Variants in UNC80 observed in about 807,000 individuals in gnomAD.
UNC80 encodes protein unc-80 homolog.
Under a neutral mutation model 384.6 loss-of-function variants are expected in UNC80, and 164 were observed. The observed-to-expected ratio is 0.43, with a 90% CI of 0.38 to 0.49. The LOEUF is 0.49. Ranked by LOEUF, UNC80 falls within the 20% of genes least tolerant of loss-of-function variation. The pLI, the probability that UNC80 is intolerant of heterozygous loss-of-function variation, is 0.00. For synonymous variants in UNC80, 1,486 were observed against 1,527.8 expected (o/e 0.97, Z 0.64); for missense variants, 3,330 against 4,143.0 (o/e 0.80, Z 5.39).
chr2:209,961,703 A>G (rs2092596256), intron 51 of UNC80, among the ~76,000 whole-genome samples: 1 of 152,248 alleles, frequency 6.6e-6, no homozygotes, highest in African/African-American at 2.4e-5. Flanking sequence ...TAAGTTAAAA[A>G]CAAAACAGTT....
chr2:209,989,714 T>C (rs1337956267), intron 61 of UNC80, among the ~76,000 whole-genome samples: 4 of 152,202 alleles, frequency 2.6e-5, no homozygotes, highest in Non-Finnish European at 2.9e-5. Flanking sequence ...CATCTTATAG[T>C]CATACATCAC....
intron 14 of UNC80, 91 bp from the exon 15 acceptor site, chr2:209,829,141 C>G: frequency 1.4e-6 from 2 of 1,473,270 alleles, no homozygotes; most frequent in South Asian, 2.7e-5. Context: ...GTTGGAAACC[C>G]TTGCCTTCTG....
At chr2:209,915,554 C>T (rs2089448060) in intron 31 of UNC80, among the ~76,000 whole-genome samples, 2 of 152,034 alleles carry the variant, frequency 1.3e-5, no homozygotes, top group African/African-American at 4.8e-5. Flanking sequence ...GAGTGGGACT[C>T]AGCTTGTAAC....
chr2:209,859,151 G>A (rs2083168355), intron 22 of UNC80, among the ~76,000 whole-genome samples: 1 of 151,942 alleles, frequency 6.6e-6, no homozygotes, highest in African/African-American at 2.4e-5. Flanking sequence ...GTGGTTTGCT[G>A]CACCTATTGA....
rs183594153 is a variant in UNC80 at position 209,896,258 on chromosome 2, A to G, written c.4481-55A>G. ...GCATGGACAACTGTACCATACCAAC[A>G]TGCTCTCCAGGGAGACCGAACACTG... is the stretch of plus-strand genomic sequence containing the variant. On this transcript the variant is annotated intron_variant, in intron 27 of 64. Coordinates refer to ENST00000673920, the MANE Select transcript of UNC80 (RefSeq NM_001371986.1). 76 of 1,463,234 alleles carry G rather than the reference A, an allele frequency of 5.2e-5. No individual in the cohort carries two copies. The East Asian group carries it at 1.9e-3, about 36-fold the overall frequency. The allele number at this position is 1,463,234 out of a possible 1,614,324, so 90.6% of individuals were successfully genotyped here. A position where few individuals can be genotyped will look rare whatever the true frequency, so the allele number is the denominator to read the frequency against.
At chr2:209,892,074 A>G (rs1038401261) in intron 26 of UNC80, among the ~76,000 whole-genome samples, 2 of 152,188 alleles carry the variant, frequency 1.3e-5, no homozygotes, top group Admixed American at 6.5e-5. Flanking sequence ...TTTTAAGTGC[A>G]TTAGAGTTGT....
chr2:209,786,173 C>T lies in UNC80; in HGVS notation c.708C>T (p.Ile236=). 6.2e-7 allele frequency: 1 copy of T among 1,613,760 alleles called. No individual in the cohort carries two copies. The highest frequency in any genetic ancestry group is 8.5e-7 in the Non-Finnish European group (1 of 1,179,788). Residue 236 remains isoleucine, a synonymous_variant, in exon 5 of 65, where the codon ATC becomes ATT. Coordinates refer to ENST00000673920, the MANE Select transcript of UNC80 (RefSeq NM_001371986.1). ...VSGFTALVKP[I]RNIITAKRSS... ...GCTTTACCGCACTGGTGAAGCCCAT[C>T]AGGAACATCATTACAGGTTTGTAAC... is the stretch of plus-strand genomic sequence containing the variant.
chr2:209,966,358 G>A (rs763376485), intron 51 of UNC80, among the ~76,000 whole-genome samples: 2 of 152,130 alleles, frequency 1.3e-5, no homozygotes, highest in Non-Finnish European at 2.9e-5. Context: ...ATAGTTGTAA[G>A]ATATTTTTAT....
In UNC80 at chr2:209,776,054, C is replaced by G. The variant is rs774173585; in HGVS notation, c.298+9C>G. 3.7e-6 allele frequency: 6 copies of G among 1,613,848 alleles called. No individual in the cohort carries two copies. In the South Asian group the frequency reaches 6.6e-5, roughly 18 times the overall value. ...AAACCGAAACAAGCTAGGTTGGTGC[C>G]CCGCATTACTTCTTTATTGCATGTG... On this transcript the variant is annotated intron_variant, in intron 3 of 64. Coordinates refer to ENST00000673920, the MANE Select transcript of UNC80 (RefSeq NM_001371986.1).
intron 28 of UNC80, among the ~76,000 whole-genome samples, chr2:209,899,516 T>C (rs1177537560): frequency 6.6e-6 from 1 of 152,226 alleles, no homozygotes; most frequent in Admixed American, 6.5e-5. Context: ...ACCGGGGCTC[T>C]AGTTGATGTT....
chr2:209,953,885 A>G (rs531853869), intron 47 of UNC80, among the ~76,000 whole-genome samples: 1 of 152,324 alleles, frequency 6.6e-6, no homozygotes, highest in Admixed American at 6.5e-5. Context: ...TGTTTCCTTA[A>G]GGCAAGATTC....
At chr2:209,794,024 A>G (rs1345978987) in intron 7 of UNC80, among the ~76,000 whole-genome samples, 165 bp downstream of exon 7, 1 of 152,256 alleles carries the variant, frequency 6.6e-6, no homozygotes, top group Non-Finnish European at 1.5e-5. Context: ...GAAATATGCT[A>G]TGAATGGCTC....
intron 4 of UNC80, among the ~76,000 whole-genome samples, chr2:209,784,107 T>C (rs1185908191): frequency 6.6e-6 from 1 of 152,088 alleles, no homozygotes; most frequent in Non-Finnish European, 1.5e-5. Context: ...GACAACTTTT[T>C]CTCTCACACT....
At chr2:209,942,500 C>G (rs945881510) in intron 44 of UNC80, among the ~76,000 whole-genome samples, 3 of 152,150 alleles carry the variant, frequency 2.0e-5, no homozygotes, top group African/African-American at 7.2e-5. Context: ...TAATGTATAG[C>G]TGGCTACATT....
At chr2:209,955,057 T>C (rs917400654) in intron 48 of UNC80, among the ~76,000 whole-genome samples, 7 of 152,200 alleles carry the variant, frequency 4.6e-5, no homozygotes, top group African/African-American at 1.7e-4. Context: ...TTTTCTGCTC[T>C]GTTCCCATCT....
chr2:209,987,081 A>G (rs2093304820), intron 61 of UNC80, among the ~76,000 whole-genome samples: 1 of 152,164 alleles, frequency 6.6e-6, no homozygotes, highest in Non-Finnish European at 1.5e-5. Flanking sequence ...AGCTTAGAGA[A>G]TATCAGGAAG....
intron 51 of UNC80, among the ~76,000 whole-genome samples, chr2:209,965,763 G>A (rs2092725410): frequency 6.6e-6 from 1 of 151,776 alleles, no homozygotes; most frequent in South Asian, 2.1e-4. Flanking sequence ...CTGGGAAACT[G>A]TATTTTTTCG....
intron 13 of UNC80, among the ~76,000 whole-genome samples, chr2:209,822,280 A>G (rs1366143220): frequency 6.6e-6 from 1 of 152,244 alleles, no homozygotes; most frequent in African/African-American, 2.4e-5. Flanking sequence ...CACTGAGGAC[A>G]ATGCAAGGAA....
At chr2:209,911,752 G>A (rs543232383) in intron 29 of UNC80, among the ~76,000 whole-genome samples, 1 of 152,130 alleles carries the variant, frequency 6.6e-6, no homozygotes, top group Non-Finnish European at 1.5e-5. Flanking sequence ...TGCACAGCCT[G>A]GAGTGCAAAA....
Sources: gnomAD v4.1 joint callset for allele counts (sites outside exome capture counted in the v4.1 genomes callset) on GRCh38, gnomAD v4.1.1 for gene constraint, MANE v1.5 for transcripts, NCBI Gene and HGNC (gene_info 2026-07-23, HGNC 2026-07-21) for gene names.